HAPLN1: variants seen among roughly 807,000 people sequenced by gnomAD.
HAPLN1 encodes Cartilage link protein.
Under a neutral mutation model 36.5 loss-of-function variants are expected in HAPLN1, and 13 were observed. The ratio of observed to expected loss-of-function variants is 0.36; its 90% CI spans 0.23 to 0.57. The LOEUF (loss-of-function observed/expected upper bound fraction) is 0.57, where lower values mean the gene tolerates loss of function less well. Among genes scored for constraint, HAPLN1 ranks in the 20% least tolerant of loss-of-function variants. The pLI, the probability that HAPLN1 is intolerant of heterozygous loss-of-function variation, is 0.83. For synonymous variants in HAPLN1, 202 were observed against 169.8 expected (o/e 1.19, Z -1.48); for missense variants, 407 against 439.7 (o/e 0.93, Z 0.66).
At chr5:83,649,058 T>G (rs1323960648) in intron 3 of HAPLN1, among the ~76,000 whole-genome samples, 1 of 152,190 alleles carries the variant, frequency 6.6e-6, no homozygotes, top group African/African-American at 2.4e-5. Context: ...TGAAGTATAT[T>G]TAGACAAAAT....
chr5:83,712,359 G>T (rs930770725), intron 1 of HAPLN1, among the ~76,000 whole-genome samples: 1 of 151,940 alleles, frequency 6.6e-6, no homozygotes, highest in African/African-American at 2.4e-5. Context: ...ACTTGAAAAT[G>T]GAGCACATAA....
chr5:83,644,146 C>T (rs543848970), intron 4 of HAPLN1, among the ~76,000 whole-genome samples: 128 of 152,278 alleles, frequency 8.4e-4, no homozygotes, highest in African/African-American at 3.0e-3. Flanking sequence ...TGAAATAAAA[C>T]GTAGGAGTAC....
Position 83,644,641 on chromosome 5 carries a change from C to G in HAPLN1, c.497G>C (p.Arg166Pro), listed in dbSNP as rs773037636. 1.4e-6 allele frequency: 2 copies of G among 1,477,430 alleles called. No individual in the cohort carries two copies. Among genetic ancestry groups the G allele is most frequent in the Non-Finnish European group, 1.8e-6 (2 of 1,110,116 alleles). The allele number at this position is 1,477,430 out of a possible 1,614,324, so 91.5% of individuals were successfully genotyped here. Reference sequence around the variant, plus strand: ...AAAATTGAGATTGTAGCGCCCCAGTCGTGGAAAGTAAGGGAATACCACACC... The same window carrying G: ...AAAATTGAGATTGTAGCGCCCCAGTGGTGGAAAGTAAGGGAATACCACACC... ...LQGVVFPYFP[R>P]LGRYNLNFHE... is the part of the protein sequence containing the mutation. The change falls in exon 4 of 5, where the codon CGA becomes CCA. Residue 166 changes from arginine to proline, a missense_variant. By Grantham distance (103) the Arg-to-Pro change is moderately radical (BLOSUM62 -2). Transcript: ENST00000274341.
At chr5:83,681,943 A>T (rs369713933) in intron 1 of HAPLN1, among the ~76,000 whole-genome samples, 1 of 152,200 alleles carries the variant, frequency 6.6e-6, no homozygotes, top group African/African-American at 2.4e-5. Flanking sequence ...TCCTAGTTAC[A>T]GGTTTTATAA....
At chr5:83,662,182 C>A (rs992553988) in intron 2 of HAPLN1, among the ~76,000 whole-genome samples, 2 of 152,100 alleles carry the variant, frequency 1.3e-5, no homozygotes, top group Non-Finnish European at 2.9e-5. Flanking sequence ...GGATTACAGG[C>A]GTGAACCACC....
chr5:83,652,183 G>A (rs1042096645), intron 3 of HAPLN1: 2 of 402,410 alleles, frequency 5.0e-6, no homozygotes, highest in Non-Finnish European at 8.8e-6. Context: ...AATAACATAA[G>A]GCAGTATCTG....
At chr5:83,699,773 T>C (rs1250964255) in intron 1 of HAPLN1, among the ~76,000 whole-genome samples, 1 of 152,222 alleles carries the variant, frequency 6.6e-6, no homozygotes, top group Non-Finnish European at 1.5e-5. Context: ...TCAATCATGT[T>C]CCATAGTTTC....
intron 2 of HAPLN1, among the ~76,000 whole-genome samples, chr5:83,669,139 G>C (rs868112522): frequency 4.6e-5 from 7 of 152,162 alleles, no homozygotes; most frequent in Non-Finnish European, 7.3e-5. Context: ...TACATTAAGG[G>C]AAAATATTAC....
intron 1 of HAPLN1, among the ~76,000 whole-genome samples, chr5:83,685,451 G>A (rs890148880): frequency 6.6e-6 from 1 of 152,084 alleles, no homozygotes; most frequent in African/African-American, 2.4e-5. Context: ...CAAACTTCTA[G>A]ATATTAGACA....
In HAPLN1 at chr5:83,710,125, A is replaced by T. The variant is rs544738324; in HGVS notation, c.-27+10664T>A. Reference sequence around the variant, plus strand: ...GGTGGTTTAGACACTCACTGGATAGATCTAAAGATGTGGGAGTCGCCAGCA... The same window carrying T: ...GGTGGTTTAGACACTCACTGGATAGTTCTAAAGATGTGGGAGTCGCCAGCA... On this transcript the variant is annotated intron_variant, in intron 1 of 4. Transcript: ENST00000274341. Among the ~76,000 whole-genome samples, 5 of 152,324 alleles carry T rather than the reference A, an allele frequency of 3.3e-5. 1 individual carries two copies. In the East Asian group the frequency reaches 7.7e-4, roughly 24 times the overall value.
At chr5:83,658,482 T>G (rs953220006) in intron 2 of HAPLN1, among the ~76,000 whole-genome samples, 1 of 152,198 alleles carries the variant, frequency 6.6e-6, no homozygotes, top group African/African-American at 2.4e-5. Flanking sequence ...ATGAAAACAC[T>G]TTATAAAAAC....
At chr5:83,671,659 T>A (rs1337375024) in intron 2 of HAPLN1, among the ~76,000 whole-genome samples, 1 of 152,122 alleles carries the variant, frequency 6.6e-6, no homozygotes, top group East Asian at 1.9e-4. Context: ...CACAAAAAAA[T>A]TGTTGGGAAA....
At chr5:83,648,545 G>T (rs938590147) in intron 3 of HAPLN1, among the ~76,000 whole-genome samples, 1 of 150,086 alleles carries the variant, frequency 6.7e-6, no homozygotes, top group Non-Finnish European at 1.5e-5. Flanking sequence ...TATAATTTAG[G>T]CTACATGAAG....
intron 3 of HAPLN1, among the ~76,000 whole-genome samples, chr5:83,649,803 T>G (rs377436144): frequency 6.6e-6 from 1 of 152,238 alleles, no homozygotes; most frequent in Non-Finnish European, 1.5e-5. Context: ...GCACCCTTTT[T>G]TGTATTTGAA....
intron 1 of HAPLN1, among the ~76,000 whole-genome samples, chr5:83,679,032 C>T (rs1304104570): frequency 1.3e-5 from 2 of 152,058 alleles, no homozygotes; most frequent in South Asian, 2.1e-4. Flanking sequence ...CATAGACTTC[C>T]CAGTTTTTTA....
At chr5:83,689,962 T>C (rs1470700738) in intron 1 of HAPLN1, among the ~76,000 whole-genome samples, 2 of 152,154 alleles carry the variant, frequency 1.3e-5, no homozygotes, top group Admixed American at 1.3e-4. Flanking sequence ...TCATTCTTTC[T>C]TAGCTTCAAA....
intron 1 of HAPLN1, among the ~76,000 whole-genome samples, chr5:83,698,362 C>G (rs1751439399): frequency 1.3e-5 from 2 of 151,878 alleles, no homozygotes; most frequent in Admixed American, 1.3e-4. Context: ...ACTGAATTTT[C>G]TTGGTACTCT....
At chr5:83,645,471 C>CTTTTTTT (rs1423821503) in intron 3 of HAPLN1, among the ~76,000 whole-genome samples, 3 of 20,318 alleles carry the variant, frequency 1.5e-4, no homozygotes, top group African/African-American at 2.8e-4. Context: ...TTTTCTTTTT[C>CTTTTTTT]TTTCTTTTTT....
chr5:83,713,756 A>T (rs1751847243), intron 1 of HAPLN1, among the ~76,000 whole-genome samples: 1 of 152,142 alleles, frequency 6.6e-6, no homozygotes, highest in Non-Finnish European at 1.5e-5. Flanking sequence ...GTAATCATCC[A>T]TCCTTAAAAC....
Sources: allele counts gnomAD v4.1 joint callset (sites outside exome capture counted in the v4.1 genomes callset), GRCh38; gene constraint gnomAD v4.1.1; transcripts MANE v1.5; gene names NCBI Gene and HGNC (gene_info 2026-07-23, HGNC 2026-07-21).